The following SLIT3 variants were observed in gnomAD, a reference collection of about 807,000 sequenced individuals.
SLIT3 encodes slit guidance ligand 3, also known as slit homolog 3 protein.
SLIT3 carries 68 observed loss-of-function variants against 184.0 expected under a neutral mutation model. That is an observed-to-expected ratio of 0.37 (90% confidence interval 0.30 to 0.45). The LOEUF is 0.45. Ranked by LOEUF, SLIT3 falls within the 20% of genes least tolerant of loss-of-function variation. SLIT3 has a pLI of 1.00. For missense variants in SLIT3, 1,707 were observed against 2,026.0 expected (o/e 0.84, Z 3.02); for synonymous variants, 831 against 828.6 (o/e 1.00, Z -0.05).
chr5:168,739,107 T>C (rs1237826881), intron 20 of SLIT3, among the ~76,000 whole-genome samples: 2 of 152,234 alleles, frequency 1.3e-5, no homozygotes, highest in East Asian at 3.8e-4. Context: ...TCAAAGGACA[T>C]TATTTAAAAA....
chr5:169,217,642 G>C (rs1764484506), intron 3 of SLIT3, among the ~76,000 whole-genome samples: 1 of 152,174 alleles, frequency 6.6e-6, no homozygotes, highest in African/African-American at 2.4e-5. Context: ...GTTCTTTACT[G>C]CACGCTCAAC....
chr5:168,779,296 C>T (rs950911836), intron 12 of SLIT3, among the ~76,000 whole-genome samples: 3 of 152,140 alleles, frequency 2.0e-5, no homozygotes, highest in African/African-American at 4.8e-5. Flanking sequence ...AAGGGAGCCA[C>T]CTGAGGCTGA....
chr5:169,081,540 C>G (rs924102894), intron 4 of SLIT3, among the ~76,000 whole-genome samples: 7 of 152,090 alleles, frequency 4.6e-5, no homozygotes, highest in African/African-American at 1.4e-4. Context: ...TGTTTTGGAG[C>G]AACCGGATGT....
At chr5:169,215,360 G>T (rs1023982444) in intron 3 of SLIT3, among the ~76,000 whole-genome samples, 4 of 152,224 alleles carry the variant, frequency 2.6e-5, no homozygotes, top group African/African-American at 9.6e-5. Context: ...AAGTCTGTCT[G>T]ATCCTCCTGT....
intron 4 of SLIT3, among the ~76,000 whole-genome samples, chr5:169,188,554 A>C (rs970691186): frequency 2.0e-5 from 3 of 151,922 alleles, no homozygotes; most frequent in Non-Finnish European, 4.4e-5. Flanking sequence ...AGGTCTTCCC[A>C]CTCCAAGTGC....
intron 6 of SLIT3, among the ~76,000 whole-genome samples, chr5:168,842,636 G>A (rs1273531144): frequency 6.6e-6 from 1 of 152,116 alleles, no homozygotes; most frequent in Admixed American, 6.5e-5. Context: ...GTTTTTAAAA[G>A]TTGGGGAGAT....
At chr5:169,023,990 T>C (rs936641132) in intron 4 of SLIT3, 1 of 152,218 alleles carries the variant, frequency 6.6e-6, no homozygotes, top group Non-Finnish European at 1.5e-5. Flanking sequence ...TGGGGCTGTG[T>C]CCTGACCTAT....
At position 169,244,731 on chromosome 5, in the gene SLIT3, G is replaced by A. The variant is rs759453353; in HGVS notation, c.315C>T (p.Phe105=). ...GTCGCTCTAGCTGCTTCAGGTCCTG[G>A]AAGGCGCCTCTCTCGATGACGCTGA... ...NQVSVIERGA[F]QDLKQLERLR... is the part of the protein sequence containing the mutation. The change falls in exon 3 of 36, where the codon TTC becomes TTT. Residue 105 remains phenylalanine (F), a synonymous_variant. Transcript: ENST00000519560. 5.1e-5 allele frequency: 82 copies of A among 1,613,880 alleles called. No homozygotes were observed. The Middle Eastern group carries it at 6.6e-4, about 13-fold the overall frequency.
intron 3 of SLIT3, among the ~76,000 whole-genome samples, chr5:169,216,209 C>A (rs985133140): frequency 1.3e-5 from 2 of 152,138 alleles, no homozygotes; most frequent in Non-Finnish European, 2.9e-5. Flanking sequence ...GTGCCACCAG[C>A]CAGGGGTCAG....
At chr5:169,184,737 C>T (rs1011256886) in intron 4 of SLIT3, among the ~76,000 whole-genome samples, 1 of 152,170 alleles carries the variant, frequency 6.6e-6, no homozygotes, top group Non-Finnish European at 1.5e-5. Context: ...TGAAAACCAA[C>T]CATAGCCTAG....
Position 169,250,145 on chromosome 5 carries a change from T to A in SLIT3, c.269+1243A>T, listed in dbSNP as rs529229735. 3.9e-5 allele frequency among the ~76,000 whole-genome samples: 6 copies of A among 152,354 alleles called. No individual in the cohort carries two copies. The East Asian group carries it at 1.2e-3, about 29-fold the overall frequency. On this transcript the variant is annotated intron_variant, in intron 2 of 35. Coordinates refer to ENST00000519560, the MANE Select transcript of SLIT3 (RefSeq NM_003062.4). ...GTCACCTGCTATGTAGAGTTGGGTC[T>A]ACTTAACCTATCCGCACCTCTGGTT...
intron 4 of SLIT3, among the ~76,000 whole-genome samples, chr5:168,918,127 A>G (rs1469055696): frequency 6.6e-6 from 1 of 152,114 alleles, no homozygotes; most frequent in African/African-American, 2.4e-5. Context: ...GAGATGTTAT[A>G]TTAGACAGAT....
intron 20 of SLIT3, among the ~76,000 whole-genome samples, chr5:168,745,254 G>A (rs1159031667): frequency 6.6e-6 from 1 of 152,210 alleles, no homozygotes; most frequent in African/African-American, 2.4e-5. Context: ...GAGCAGATAA[G>A]GAGTTGCTTC....
chr5:168,762,388 A>G (rs1432854178), intron 15 of SLIT3, 151 bp downstream of exon 15: 7 of 717,022 alleles, frequency 9.8e-6, no homozygotes, highest in Non-Finnish European at 1.6e-5. Flanking sequence ...ATGCCTGGGT[A>G]TCTACCTTCA....
intron 3 of SLIT3, among the ~76,000 whole-genome samples, chr5:169,215,233 C>G (rs1025707420): frequency 5.3e-5 from 8 of 151,908 alleles, no homozygotes; most frequent in Non-Finnish European, 2.9e-5. Context: ...AACTCGCACT[C>G]TCTCACCTCT....
chr5:168,834,635 T>C (rs532190734), intron 6 of SLIT3, among the ~76,000 whole-genome samples: 197 of 128,298 alleles, frequency 1.5e-3, no homozygotes, highest in Admixed American at 3.6e-3. Flanking sequence ...TGCAGTGAGC[T>C]GAGATCATGC....
Position 168,740,539 on chromosome 5 carries a change from C to G in SLIT3, c.2270+7763G>C, listed in dbSNP as rs1438253776. On this transcript the variant is annotated intron_variant, in intron 20 of 35. Coordinates refer to ENST00000519560, the MANE Select transcript of SLIT3 (RefSeq NM_003062.4). The stretch of plus-strand genomic sequence containing the variant: ...AGCTGAAAAGCTTGCATTGGAAACC[C>G]TGGATCTGGACTCAGCCAATGTCTC... Among the ~76,000 whole-genome samples the G allele has an allele frequency of 2.0e-5, 3 of 152,192 alleles. No individual in the cohort carries two copies. The East Asian group carries it at 5.8e-4, about 29-fold the overall frequency.
At chr5:169,170,266 A>G (rs1462357144) in intron 4 of SLIT3, among the ~76,000 whole-genome samples, 1 of 152,140 alleles carries the variant, frequency 6.6e-6, no homozygotes, top group Non-Finnish European at 1.5e-5. Context: ...GAAGACCATG[A>G]TGTTGGTCCC....
chr5:169,160,353 C>G (rs1450468506), intron 4 of SLIT3, among the ~76,000 whole-genome samples: 6 of 152,210 alleles, frequency 3.9e-5, no homozygotes, highest in Non-Finnish European at 7.3e-5. Flanking sequence ...ACTTGTCTAA[C>G]TTTAAGGCCT....
Sources: allele counts gnomAD v4.1 joint callset (sites outside exome capture counted in the v4.1 genomes callset), GRCh38; gene constraint gnomAD v4.1.1; transcripts MANE v1.5; gene names NCBI Gene and HGNC (gene_info 2026-07-23, HGNC 2026-07-21).